Variants in TMEM135 observed in about 807,000 individuals in gnomAD.
TMEM135 encodes transmembrane protein 135, also known as peroxisomal membrane protein 52.
Under a neutral mutation model 60.3 loss-of-function variants are expected in TMEM135, and 30 were observed. That is an observed-to-expected ratio of 0.50 (90% CI 0.37 to 0.68). The LOEUF (loss-of-function observed/expected upper bound fraction) is 0.68, where lower values mean the gene tolerates loss of function less well. TMEM135 is among the 30% of genes least tolerant of loss of function. The pLI is 0.00. For synonymous variants in TMEM135, 190 were observed against 186.7 expected, an observed-to-expected ratio of 1.02 and a Z score of -0.14; for missense variants, 468 against 548.8, an observed-to-expected ratio of 0.85 and a Z score of 1.47.
intron 1 of TMEM135, among the ~76,000 whole-genome samples, chr11:87,038,910 C>T (rs772164001): frequency 2.4e-4 from 36 of 152,142 alleles, no homozygotes; most frequent in Non-Finnish European, 4.7e-4. Flanking sequence ...GTATATGTAA[C>T]ACTGAGGACT....
intron 6 of TMEM135, among the ~76,000 whole-genome samples, chr11:87,249,869 T>C (rs986214332): frequency 3.3e-5 from 5 of 152,126 alleles, no homozygotes; most frequent in Admixed American, 2.0e-4. Context: ...ATTTTTAGAA[T>C]AGTTTGAGTA....
At chr11:87,038,343 G>T (rs1260019835) in intron 1 of TMEM135, among the ~76,000 whole-genome samples, 157 bp downstream of exon 1, 2 of 151,894 alleles carry the variant, frequency 1.3e-5, no homozygotes, top group Non-Finnish European at 2.9e-5. Flanking sequence ...GGGGAAGGGG[G>T]AGGTCGCAAG....
intron 6 of TMEM135, among the ~76,000 whole-genome samples, chr11:87,252,186 A>G (rs1187205182): frequency 6.6e-6 from 1 of 152,148 alleles, no homozygotes; most frequent in Non-Finnish European, 1.5e-5. Context: ...ACTCTGGGAA[A>G]GTTTAAGTGA....
Position 87,318,108 on chromosome 11 carries a change from A to G in TMEM135, c.1078-29A>G, listed in dbSNP as rs117800617. The G allele has an allele frequency of 8.4e-3, 13,270 of 1,574,610 alleles. 100 individuals carry two copies. The highest frequency in any genetic ancestry group is 0.034 in the Middle Eastern group (203 of 5,990). On this transcript the variant is annotated intron_variant, in intron 12 of 14. Coordinates refer to ENST00000305494, the MANE Select transcript of TMEM135 (RefSeq NM_022918.4). ...TTTTTAATGCTGAGGTTTTTTCTTT[A>G]TAACTCTTGTCTTATGCTTGTTTTG...
intron 6 of TMEM135, among the ~76,000 whole-genome samples, chr11:87,287,791 T>C (rs1381424415): frequency 6.6e-6 from 1 of 152,214 alleles, no homozygotes; most frequent in African/African-American, 2.4e-5. Flanking sequence ...TCAGCCTAAA[T>C]CATTTATTTC....
At chr11:87,115,762 T>C (rs370455741) in intron 4 of TMEM135, among the ~76,000 whole-genome samples, 1 of 152,104 alleles carries the variant, frequency 6.6e-6, no homozygotes, top group African/African-American at 2.4e-5. Context: ...TTTATACACA[T>C]AGCATTTTGG....
intron 4 of TMEM135, among the ~76,000 whole-genome samples, chr11:87,144,496 C>A (rs1938352454): frequency 6.6e-6 from 1 of 152,206 alleles, no homozygotes; most frequent in African/African-American, 2.4e-5. Flanking sequence ...ATTTTGCCTG[C>A]AGGCGTTGCT....
chr11:87,272,787 A>G (rs1386893283), intron 6 of TMEM135, among the ~76,000 whole-genome samples: 1 of 152,174 alleles, frequency 6.6e-6, no homozygotes, highest in African/African-American at 2.4e-5. Flanking sequence ...ATTCTGATTG[A>G]TACTCTGATT....
intron 7 of TMEM135, among the ~76,000 whole-genome samples, chr11:87,301,720 A>G (rs1290395444): frequency 6.6e-6 from 1 of 152,222 alleles, no homozygotes; most frequent in Non-Finnish European, 1.5e-5. Context: ...AACTCTGAGA[A>G]AGGATACTTC....
At chr11:87,098,472 A>C (rs572836102) in intron 4 of TMEM135, among the ~76,000 whole-genome samples, 3 of 152,288 alleles carry the variant, frequency 2.0e-5, no homozygotes, top group East Asian at 1.9e-4. Context: ...GATGAAGTAC[A>C]TGACTTATTT....
At chr11:87,245,156 C>T (rs868845082) in intron 6 of TMEM135, among the ~76,000 whole-genome samples, 14 of 147,780 alleles carry the variant, frequency 9.5e-5, no homozygotes, top group African/African-American at 2.3e-4. Flanking sequence ...TGTAGTTGAG[C>T]GGTTTTGAGT....
At chr11:87,135,216 A>G (rs1378615777) in intron 4 of TMEM135, among the ~76,000 whole-genome samples, 11 of 151,944 alleles carry the variant, frequency 7.2e-5, no homozygotes, top group Admixed American at 7.2e-4. Flanking sequence ...AATGTCTTTT[A>G]AAGAGAAGTT....
chr11:87,142,214 G>T (rs767685980), intron 4 of TMEM135, among the ~76,000 whole-genome samples: 1 of 152,190 alleles, frequency 6.6e-6, no homozygotes, highest in African/African-American at 2.4e-5. Context: ...TGTAGAAAAT[G>T]CCTGCTGTCT....
At chr11:87,192,139 G>C (rs1347871332) in intron 5 of TMEM135, among the ~76,000 whole-genome samples, 1 of 150,114 alleles carries the variant, frequency 6.7e-6, no homozygotes, top group African/African-American at 2.5e-5. Context: ...GTGCCACCGT[G>C]CCCAGCTAAT....
At chr11:87,213,164 G>T (rs1485939090) in intron 5 of TMEM135, among the ~76,000 whole-genome samples, 3 of 152,126 alleles carry the variant, frequency 2.0e-5, no homozygotes, top group Non-Finnish European at 4.4e-5. Flanking sequence ...TTACATTTCT[G>T]CTGGATCTGT....
chr11:87,044,452 A>G (rs910525337), intron 1 of TMEM135, among the ~76,000 whole-genome samples: 72 of 152,132 alleles, frequency 4.7e-4, no homozygotes, highest in Non-Finnish European at 1.3e-4. Context: ...TAAAGAATGT[A>G]AACTACTCAG....
chr11:87,246,603 G>C (rs1327616577), intron 6 of TMEM135, among the ~76,000 whole-genome samples: 5 of 151,312 alleles, frequency 3.3e-5, no homozygotes, highest in East Asian at 1.9e-4. Context: ...TCATTCATTT[G>C]ATCTTCCATC....
chr11:87,288,482 GT>G (rs1468900990), intron 6 of TMEM135, among the ~76,000 whole-genome samples: 2 of 152,112 alleles, frequency 1.3e-5, no homozygotes, highest in African/African-American at 4.8e-5. Context: ...TTGTTTGTAT[GT>G]TTGGTTTTAT....
chr11:87,070,881 G>A (rs186757321), intron 2 of TMEM135, among the ~76,000 whole-genome samples: 2 of 152,304 alleles, frequency 1.3e-5, no homozygotes, highest in East Asian at 3.9e-4. Flanking sequence ...TCTACCATGT[G>A]TTGAAAAAAT....
Sources: gnomAD v4.1 joint callset for allele counts (sites outside exome capture counted in the v4.1 genomes callset) on GRCh38, gnomAD v4.1.1 for gene constraint, MANE v1.5 for transcripts, NCBI Gene and HGNC (gene_info 2026-07-23, HGNC 2026-07-21) for gene names.